The following RAB11FIP4 variants were observed in gnomAD, a reference collection of about 807,000 sequenced individuals.
The protein encoded by RAB11FIP4 is RAB11 family interacting protein 4, also known as rab11 family-interacting protein 4.
RAB11FIP4 carries 23 observed loss-of-function variants against 74.3 expected under a neutral mutation model. The observed-to-expected ratio is 0.31, with a 90% CI of 0.22 to 0.44. The LOEUF is 0.44. RAB11FIP4 is among the 20% of genes least tolerant of loss of function. RAB11FIP4 has a pLI of 1.00. For synonymous variants in RAB11FIP4, 360 were observed against 359.9 expected, an observed-to-expected ratio of 1.00 and a Z score of 0.00; for missense variants, 630 against 863.9, an observed-to-expected ratio of 0.73 and a Z score of 3.39.
chr17:31,488,281 C>T, intron 3 of RAB11FIP4: 1 of 1,176,036 alleles, frequency 8.5e-7, no homozygotes, highest in Non-Finnish European at 1.1e-6. Flanking sequence ...AGGTAAGCGG[C>T]GGCCCCGGGG....
chr17:31,485,282 G>A lies in RAB11FIP4; in HGVS notation c.337-32369G>A, dbSNP rs566589401. On this transcript the variant is annotated intron_variant, in intron 3 of 14. Coordinates refer to ENST00000621161, the MANE Select transcript of RAB11FIP4 (RefSeq NM_032932.6). Reference sequence around the variant, plus strand: ...TCTGTCACTCTGCTTTTAAGGACAAGTACCTGCAGACATTCCCCACTCCAC... The same window carrying A: ...TCTGTCACTCTGCTTTTAAGGACAAATACCTGCAGACATTCCCCACTCCAC... 2.0e-5 allele frequency among the ~76,000 whole-genome samples: 3 copies of A among 152,306 alleles called. No individual in the cohort carries two copies. In the East Asian group the frequency reaches 5.8e-4, roughly 29 times the overall value.
At chr17:31,416,510 G>A (rs1016873362) in intron 1 of RAB11FIP4, among the ~76,000 whole-genome samples, 13 of 152,184 alleles carry the variant, frequency 8.5e-5, no homozygotes, top group African/African-American at 3.1e-4. Context: ...AGGGCCAGTG[G>A]CGGCCTGTGC....
intron 1 of RAB11FIP4, among the ~76,000 whole-genome samples, chr17:31,430,527 T>TG (rs2071299621): frequency 6.6e-6 from 1 of 151,288 alleles, no homozygotes; most frequent in Admixed American, 6.6e-5. Flanking sequence ...CCGGCTAATT[T>TG]TTTTTGTATT....
rs2072996884 is a variant in RAB11FIP4, at chr17:31,538,042, G to A, written c.*6310G>A. On this transcript the variant is annotated 3_prime_UTR_variant, in exon 15 of 15. Coordinates refer to ENST00000621161, the MANE Select transcript of RAB11FIP4 (RefSeq NM_032932.6). ...TTAGTGCTGGGGTGGGACCTGCCCT[G>A]TGGGCCCCAGGGAGGGGACAGTGGG... is the stretch of plus-strand genomic sequence containing the variant. 6.6e-6 allele frequency: 1 copy of A among 152,384 alleles called. No individual in the cohort carries two copies. The highest frequency in any genetic ancestry group is 6.5e-5 in the Admixed American group (1 of 15,294). The allele number at this position is 152,384 out of a possible 1,614,324, so 9.4% of individuals were successfully genotyped here.
chr17:31,489,804 T>TG (rs1399224207), intron 3 of RAB11FIP4, among the ~76,000 whole-genome samples: 1 of 151,298 alleles, frequency 6.6e-6, no homozygotes, highest in Admixed American at 6.6e-5. Context: ...CTTGGGCAAA[T>TG]GCGTAGTGGA....
At chr17:31,489,474 G>A (rs1483520988) in intron 3 of RAB11FIP4, among the ~76,000 whole-genome samples, 3 of 152,140 alleles carry the variant, frequency 2.0e-5, no homozygotes, top group African/African-American at 7.2e-5. Flanking sequence ...TGGAGTGCCT[G>A]AGTCGCTGCC....
At chr17:31,505,572 A>T (rs1457054517) in intron 3 of RAB11FIP4, among the ~76,000 whole-genome samples, 1 of 75,672 alleles carries the variant, frequency 1.3e-5, no homozygotes, top group Admixed American at 2.3e-4. Flanking sequence ...ATAATATATA[A>T]TAATATATAA....
At chr17:31,506,650 T>C (rs933364253) in intron 3 of RAB11FIP4, among the ~76,000 whole-genome samples, 1 of 152,226 alleles carries the variant, frequency 6.6e-6, no homozygotes, top group Non-Finnish European at 1.5e-5. Flanking sequence ...TGTCCTTCTC[T>C]ACTTGGCTTA....
intron 3 of RAB11FIP4, among the ~76,000 whole-genome samples, chr17:31,436,320 C>G (rs546803185): frequency 1.4e-4 from 22 of 152,096 alleles, no homozygotes; most frequent in Non-Finnish European, 2.5e-4. Context: ...GAAAATGGTG[C>G]TGAAGTTACC....
At chr17:31,446,984 C>A (rs951742037) in intron 3 of RAB11FIP4, among the ~76,000 whole-genome samples, 3 of 152,148 alleles carry the variant, frequency 2.0e-5, no homozygotes, top group Non-Finnish European at 4.4e-5. Context: ...ACCCCCATAT[C>A]TATTAATACA....
In RAB11FIP4 at chr17:31,537,153, G is replaced by A. The variant is rs1403412222; in HGVS notation, c.*5421G>A. ...GTCCTTGTGCCTTTTCTTCCCCATC[G>A]CCACTGTACAGGATTTTCCACATTG... On this transcript the variant is annotated 3_prime_UTR_variant, in exon 15 of 15. Transcript: ENST00000621161. 2.0e-5 allele frequency: 8 copies of A among 399,578 alleles called. No homozygotes were observed. The South Asian group carries it at 7.6e-4, about 38-fold the overall frequency. The allele number at this position is 399,578 out of a possible 1,614,324, so 24.8% of individuals were successfully genotyped here.
intron 3 of RAB11FIP4, among the ~76,000 whole-genome samples, chr17:31,514,226 G>A (rs545438709): frequency 1.3e-5 from 2 of 152,384 alleles, no homozygotes; most frequent in African/African-American, 2.4e-5. Context: ...GGACGCTGCT[G>A]TAGATGTTGG....
At chr17:31,430,723 G>A (rs927558923) in intron 1 of RAB11FIP4, among the ~76,000 whole-genome samples, 1 of 152,038 alleles carries the variant, frequency 6.6e-6, no homozygotes, top group African/African-American at 2.4e-5. Flanking sequence ...CAGAGGAGTG[G>A]GTGACACGAT....
intron 1 of RAB11FIP4, among the ~76,000 whole-genome samples, chr17:31,407,147 G>C (rs986044907): frequency 6.8e-6 from 1 of 146,106 alleles, no homozygotes; most frequent in African/African-American, 2.5e-5. Flanking sequence ...AACTTCCTGG[G>C]CTCAAGCGAT....
intron 1 of RAB11FIP4, among the ~76,000 whole-genome samples, chr17:31,425,076 C>T (rs965192341): frequency 6.6e-6 from 1 of 152,160 alleles, no homozygotes; most frequent in Non-Finnish European, 1.5e-5. Context: ...GAGTCTGGAA[C>T]CAGGCCTCTT....
chr17:31,497,657 C>G (rs927249825), intron 3 of RAB11FIP4, among the ~76,000 whole-genome samples: 5 of 152,010 alleles, frequency 3.3e-5, no homozygotes, highest in African/African-American at 1.2e-4. Flanking sequence ...CTGGCTGGAG[C>G]AGTACAGAGG....
chr17:31,454,431 G>A (rs2071559013), intron 3 of RAB11FIP4, among the ~76,000 whole-genome samples: 1 of 151,862 alleles, frequency 6.6e-6, no homozygotes, highest in African/African-American at 2.4e-5. Flanking sequence ...GTGCCACCAC[G>A]CCCAACTAAT....
chr17:31,416,100 T>C (rs900029781), intron 1 of RAB11FIP4, among the ~76,000 whole-genome samples: 1 of 152,218 alleles, frequency 6.6e-6, no homozygotes, highest in African/African-American at 2.4e-5. Context: ...GCCCGCTCTC[T>C]CGGCATGCGA....
At chr17:31,516,198 G>C (rs904518946) in intron 3 of RAB11FIP4, among the ~76,000 whole-genome samples, 30 of 151,656 alleles carry the variant, frequency 2.0e-4, no homozygotes, top group Non-Finnish European at 2.2e-4. Flanking sequence ...TGTGCACAGG[G>C]TCATGTAGGG....
Sources: gnomAD v4.1 joint callset for allele counts (sites outside exome capture counted in the v4.1 genomes callset) on GRCh38, gnomAD v4.1.1 for gene constraint, MANE v1.5 for transcripts, NCBI Gene and HGNC (gene_info 2026-07-23, HGNC 2026-07-21) for gene names.